Variants in LTK observed in about 807,000 individuals in gnomAD.
LTK encodes the protein leukocyte tyrosine kinase receptor.
In LTK, 117 loss-of-function variants were observed where a neutral mutation model predicts 101.5. That is an observed-to-expected ratio of 1.15 (90% CI 0.99 to 1.34). The LOEUF (loss-of-function observed/expected upper bound fraction) is 1.34, where lower values mean the gene tolerates loss of function less well. LTK is among the 40% of genes most tolerant of loss of function. LTK has a pLI of 0.00. For synonymous variants in LTK, 563 were observed against 494.2 expected (o/e 1.14, Z -1.85); for missense variants, 1,252 against 1,164.7 (o/e 1.07, Z -1.09).
rs960966888 is a variant in LTK, at chr15:41,512,875, G to C, written c.191C>G (p.Thr64Ser). Residue 64 changes from threonine (T) to serine (S), a missense_variant, in exon 3 of 20, where the codon ACC becomes AGC. By Grantham distance (58) the Thr-to-Ser change is moderately conservative (BLOSUM62 1). Coordinates refer to ENST00000263800, the MANE Select transcript of LTK (RefSeq NM_002344.6). ...GGTAGAAAACAGCCAAGACCCCTCGGTGCCTGAGAGCAAGGAGCGAGGCAA... is the reference window on the plus strand; with the variant it reads ...GGTAGAAAACAGCCAAGACCCCTCGCTGCCTGAGAGCAAGGAGCGAGGCAA... ...EPASPLNSPG[T>S]EGSWLFSTCG... is the part of the protein sequence containing the mutation. 6.2e-7 allele frequency: 1 copy of C among 1,610,046 alleles called. No homozygotes were observed. Among genetic ancestry groups the C allele is most frequent in the Admixed American group, 1.7e-5 (1 of 59,750 alleles).
chr15:41,506,072 C>T, intron 11 of LTK, 67 bp from the exon 12 acceptor site: 1 of 995,676 alleles, frequency 1.0e-6, no homozygotes, highest in Non-Finnish European at 1.6e-6. Context: ...GAGTCTAGTA[C>T]CCCCTTTACC....
chr15:41,507,327 G>A (rs560763323), intron 10 of LTK, 37 bp from the exon 11 acceptor site: 1 of 1,548,556 alleles, frequency 6.5e-7, no homozygotes, highest in East Asian at 2.3e-5. Context: ...CCCTCCACCT[G>A]CCCATCAACT....
At chr15:41,504,951 C>T (rs373084888) in intron 16 of LTK, 21 bp downstream of exon 16, 47 of 1,600,282 alleles carry the variant, frequency 2.9e-5, no homozygotes, top group Non-Finnish European at 3.6e-5. Context: ...CAAGAGCCTT[C>T]CCACCTCCCA....
In LTK at chr15:41,508,897, C is replaced by T. The variant is rs2051369298; in HGVS notation, c.1096+134G>A. 8.2e-6 allele frequency: 5 copies of T among 607,620 alleles called. No individual in the cohort carries two copies. In the Admixed American group the frequency reaches 1.2e-4, roughly 14 times the overall value. 37.6% of individuals were successfully genotyped at this position (607,620 alleles called of 1,614,324 possible). ...ATGACAGCCCACTTTTCAAATGACC[C>T]TATGCTATGCAAGAATCCTGTGCTA... On this transcript the variant is annotated intron_variant, in intron 8 of 19. Transcript: ENST00000263800.
chr15:41,512,660 C>T (rs1278953786), intron 3 of LTK, 47 bp downstream of exon 3: 1 of 1,492,006 alleles, frequency 6.7e-7, no homozygotes. Context: ...AGGGTGAAAC[C>T]TCCAACTAGC....
At position 41,511,781 on chromosome 15, in the gene LTK, G is replaced by C; in HGVS notation, c.657+36C>G. On this transcript the variant is annotated intron_variant, in intron 5 of 19. Coordinates refer to ENST00000263800, the MANE Select transcript of LTK (RefSeq NM_002344.6). This position sits in a 1 kb window ranked among gnomAD's most constrained non-coding sequence, Gnocchi z 5.9. Reference sequence around the variant, plus strand: ...CGTGAGCGCCCCTGGGGAGAGGATTGGGACCCCAACGCTGAGCGCCGAAGG... The same window carrying C: ...CGTGAGCGCCCCTGGGGAGAGGATTCGGACCCCAACGCTGAGCGCCGAAGG... 6.8e-7 allele frequency: 1 copy of C among 1,480,448 alleles called. No homozygotes were observed. Among genetic ancestry groups the C allele is most frequent in the Non-Finnish European group, 8.9e-7 (1 of 1,126,774 alleles). 91.7% of individuals were successfully genotyped at this position (1,480,448 alleles called of 1,614,324 possible).
chr15:41,507,197 G>A lies in LTK; in HGVS notation c.1439C>T (p.Ala480Val). Residue 480 changes from alanine (A) to valine (V), a missense_variant, in exon 11 of 20, where the codon GCC becomes GTC. By Grantham distance (64) the Ala-to-Val change is moderately conservative. Transcript: ENST00000263800. ...SKLRTSAIRT[A>V]PNPYYCQVGL... The stretch of plus-strand genomic sequence containing the variant: ...CACCTGGCAATAATAGGGATTGGGG[G>A]CTGTCCTGATGGCAGAGGTTCGAAG... The A allele has an allele frequency of 6.2e-7, 1 of 1,613,854 alleles. No individual in the cohort carries two copies. The highest frequency in any genetic ancestry group is 2.2e-5 in the East Asian group (1 of 44,874).
intron 7 of LTK, among the ~76,000 whole-genome samples, chr15:41,510,314 C>T (rs1002720434): frequency 1.3e-5 from 2 of 151,484 alleles, no homozygotes; most frequent in Non-Finnish European, 1.5e-5. Context: ...CCTCTCTTAG[C>T]GATTTTCAAG....
chr15:41,504,325 T>A lies in LTK; in HGVS notation c.2346+17A>T. The A allele has an allele frequency of 6.2e-7, 1 of 1,613,782 alleles. No homozygotes were observed. Among genetic ancestry groups the A allele is most frequent in the Non-Finnish European group, 8.5e-7 (1 of 1,179,842 alleles). On this transcript the variant is annotated intron_variant, in intron 19 of 19. Coordinates refer to ENST00000263800, the MANE Select transcript of LTK (RefSeq NM_002344.6). The stretch of plus-strand genomic sequence containing the variant: ...TGACCCACAAGACCAGGATGTTAGA[T>A]TAGGTCGGGGGCACACCTGAGTGCA...
chr15:41,513,088 C>T lies in LTK; in HGVS notation c.76G>A (p.Glu26Lys). ...AGGGGCGAGGACCGCAGAAAAGTCT[C>T]CTGGGACCCCGGGCTAGAGCAGAGA... ...AILCSSPGSQ[E>K]TFLRSSPLPL... The change falls in exon 2 of 20, where the codon GAG becomes AAG. Residue 26 changes from glutamate (E) to lysine (K), a missense_variant. Coordinates refer to ENST00000263800, the MANE Select transcript of LTK (RefSeq NM_002344.6). 1 of 1,609,420 alleles carries T rather than the reference C, an allele frequency of 6.2e-7. No individual in the cohort carries two copies. Among genetic ancestry groups the T allele is most frequent in the Middle Eastern group, 1.7e-4 (1 of 6,012 alleles).
rs755550452 is a variant in LTK at position 41,504,511 on chromosome 15, C to A, written c.2250G>T (p.Gly750=). 1.9e-5 allele frequency: 31 copies of A among 1,612,834 alleles called. No individual in the cohort carries two copies. Among genetic ancestry groups the A allele is most frequent in the Non-Finnish European group, 2.5e-5 (29 of 1,179,410 alleles). The change falls in exon 18 of 20, where the codon GGG becomes GGT. Residue 750 remains glycine (G), a synonymous_variant. Transcript: ENST00000263800. ...CCGGGCAGCACTCAACTCACACAGGCCCTGGGCAGCCCCTAGGAGGGTCCA... is the reference window on the plus strand; with the variant it reads ...CCGGGCAGCACTCAACTCACACAGGACCTGGGCAGCCCCTAGGAGGGTCCA... ...GRMDPPRGCP[G]PVYRIMTQCW...
chr15:41,507,327 GC>G, intron 10 of LTK, 37 bp from the exon 11 acceptor site: 1 of 1,548,558 alleles, frequency 6.5e-7, no homozygotes, highest in Non-Finnish European at 8.8e-7. Context: ...CCCTCCACCT[GC>G]CCATCAACTC....
rs779889191 is a variant in LTK, at chr15:41,505,056, G to A, written c.1934C>T (p.Ala645Val). 12 of 1,612,574 alleles carry A rather than the reference G, an allele frequency of 7.4e-6. No homozygotes were observed. Among genetic ancestry groups the A allele is most frequent in the Non-Finnish European group, 9.3e-6 (11 of 1,179,236 alleles). Residue 645 changes from alanine to valine, a missense_variant, in exon 16 of 20, where the codon GCC becomes GTC. Physicochemically the swap from Ala to Val is moderately conservative, Grantham distance 64. Coordinates refer to ENST00000263800, the MANE Select transcript of LTK (RefSeq NM_002344.6). ...GCAGCTCAGCAGGCAGTTCCGGGCG[G>A]CAATATCCCTACAGAGTAGGCAAAA... ...EENHFIHRDI[A>V]ARNCLLSCAG...
In LTK at chr15:41,505,795, A is replaced by C; in HGVS notation, c.1633-18T>G. 6.2e-7 allele frequency: 1 copy of C among 1,613,356 alleles called. No individual in the cohort carries two copies. The highest frequency in any genetic ancestry group is 8.5e-7 in the Non-Finnish European group (1 of 1,179,616). Reference sequence around the variant, plus strand: ...GGCAGGGTCTGGGGAGGAAAAGGGCACAGTTTCTGAGCTGCCCTGCACGCT... The same window carrying C: ...GGCAGGGTCTGGGGAGGAAAAGGGCCCAGTTTCTGAGCTGCCCTGCACGCT... On this transcript the variant is annotated intron_variant, in intron 12 of 19. Transcript: ENST00000263800.
chr15:41,507,420 A>T (rs947583143), intron 10 of LTK, 130 bp from the exon 11 acceptor site: 3 of 1,523,182 alleles, frequency 2.0e-6, no homozygotes, highest in Admixed American at 2.0e-5. Context: ...GCTCCTTCCT[A>T]TCTTAGAATC....
In LTK at chr15:41,512,186, T is replaced by C. The variant is rs558612499; in HGVS notation, c.439A>G (p.Ile147Val). 1.9e-6 allele frequency: 3 copies of C among 1,612,590 alleles called. No homozygotes were observed. The highest frequency in any genetic ancestry group is 2.2e-5 in the East Asian group (1 of 44,732). Residue 147 changes from isoleucine (I) to valine (V), a missense_variant, in exon 4 of 20, where the codon ATC becomes GTC. Transcript: ENST00000263800. ...SRAHGVFVSA[I>V]FSLGLGESLY... ...GACTCCCCGAGACCGAGGGAGAAGA[T>C]TGCTGAGACGAAGACGCCATGCGCC... is the stretch of plus-strand genomic sequence containing the variant.
chr15:41,504,789 A>G lies in LTK; in HGVS notation c.2104T>C (p.Ser702Pro), dbSNP rs753160475. Residue 702 changes from serine to proline, a missense_variant, in exon 17 of 20, where the codon TCC (serine) becomes CCC (proline). Physicochemically the swap from Ser to Pro is moderately conservative, Grantham distance 74 (BLOSUM62 -1). Coordinates refer to ENST00000263800, the MANE Select transcript of LTK (RefSeq NM_002344.6). ...TGTTATCACCAGGAATCTGTCTTGGATGTGAAGATGCCCTCCAGGAAGGCC... is the reference window on the plus strand; with the variant it reads ...TGTTATCACCAGGAATCTGTCTTGGGTGTGAAGATGCCCTCCAGGAAGGCC... The part of the protein sequence containing the change: ...PEAFLEGIFT[S>P]KTDSWSFGVL... 2 of 1,612,646 alleles carry G rather than the reference A, an allele frequency of 1.2e-6. No individual in the cohort carries two copies. The highest frequency in any genetic ancestry group is 1.3e-5 in the African/African-American group (1 of 74,914).
rs1279589861 is a variant in LTK, at chr15:41,505,495, C to T, written c.1733G>A (p.Gly578Glu). The T allele has an allele frequency of 1.8e-5, 29 of 1,613,988 alleles. No individual in the cohort carries two copies. The highest frequency in any genetic ancestry group is 2.5e-5 in the Non-Finnish European group (29 of 1,179,980). Residue 578 changes from glycine to glutamate, a missense_variant, in exon 14 of 20, where the codon GGG becomes GAG. Gly to Glu is a moderately conservative substitution (Grantham distance 98). Transcript: ENST00000263800. ...FRHQNIVRCV[G>E]LSLRATPRLI... The stretch of plus-strand genomic sequence containing the variant: ...GCGAGGGGTGGCCCTGAGGCTGAGC[C>T]CCACACACCGCACAATGTTCTGATG...
chr15:41,506,003 G>T lies in LTK; in HGVS notation c.1544C>A (p.Ala515Asp), dbSNP rs766333097. ...CTCCCCAAAGGCACCATGGCCCAGG[G>T]CTCTGCAGGAAGACACGTTGGAAGG... is the stretch of plus-strand genomic sequence containing the variant. The part of the protein sequence containing the change: ...VSPANVTLLR[A>D]LGHGAFGEVY... The change falls in exon 12 of 20, where the codon GCC becomes GAC. Residue 515 changes from alanine (A) to aspartate (D), a missense_variant and splice_region_variant. By Grantham distance (126) the Ala-to-Asp change is moderately radical. Coordinates refer to ENST00000263800, the MANE Select transcript of LTK (RefSeq NM_002344.6). 1 of 1,612,540 alleles carries T rather than the reference G, an allele frequency of 6.2e-7. No homozygotes were observed. Among genetic ancestry groups the T allele is most frequent in the Non-Finnish European group, 8.5e-7 (1 of 1,178,686 alleles).
Sources: allele counts gnomAD v4.1 joint callset (sites outside exome capture counted in the v4.1 genomes callset), GRCh38; gene constraint gnomAD v4.1.1; non-coding constraint Gnocchi (gnomAD v3.1); transcripts MANE v1.5; gene names NCBI Gene and HGNC (gene_info 2026-07-23, HGNC 2026-07-21).